The following PABPC4L variants were observed in gnomAD, a reference collection of about 807,000 sequenced individuals.
PABPC4L encodes poly(A) binding protein cytoplasmic 4 like.
For missense variants in PABPC4L, 452 were observed against 451.4 expected (o/e 1.00, Z -0.01); for synonymous variants, 169 against 164.1 (o/e 1.03, Z -0.23).
At chr4:134,016,557 G>A in the PABPC4L span, among the ~76,000 whole-genome samples, 1 of 151,942 alleles carries the variant, frequency 6.6e-6, no homozygotes. Flanking sequence ...CTTCACATCG[G>A]TCACTCCCAC....
At chr4:134,115,336 A>G in the PABPC4L span, among the ~76,000 whole-genome samples, 1 of 151,930 alleles carries the variant, frequency 6.6e-6, no homozygotes, top group East Asian at 1.9e-4. Flanking sequence ...TAGTCAATTA[A>G]ATAAGTGATG....
the PABPC4L span, among the ~76,000 whole-genome samples, chr4:134,015,815 C>T: frequency 4.6e-5 from 7 of 152,112 alleles, no homozygotes; most frequent in South Asian, 2.1e-4. Context: ...CTGCGTGTGG[C>T]GGCTGCCACT....
the PABPC4L span, among the ~76,000 whole-genome samples, chr4:134,133,323 AT>A: frequency 7.1e-6 from 1 of 141,768 alleles, no homozygotes; most frequent in Non-Finnish European, 1.5e-5. Flanking sequence ...ATAATTATAT[AT>A]TTAATTTTAT....
the PABPC4L span, among the ~76,000 whole-genome samples, chr4:134,162,398 C>T: frequency 6.6e-6 from 1 of 151,966 alleles, no homozygotes; most frequent in Non-Finnish European, 1.5e-5. Flanking sequence ...AAGAGATAGA[C>T]ACCAACACAA....
chr4:134,129,652 A>T, the PABPC4L span, among the ~76,000 whole-genome samples: 2 of 152,098 alleles, frequency 1.3e-5, no homozygotes, highest in African/African-American at 4.8e-5. Context: ...TTAAATTTTT[A>T]AATTTAAACT....
chr4:134,129,451 A>G, the PABPC4L span, among the ~76,000 whole-genome samples: 2 of 152,102 alleles, frequency 1.3e-5, no homozygotes, highest in African/African-American at 4.8e-5. Context: ...CAAATTTATG[A>G]AAGTCAAAAT....
the PABPC4L span, among the ~76,000 whole-genome samples, chr4:134,151,734 T>C: frequency 6.6e-6 from 1 of 151,964 alleles, no homozygotes; most frequent in Non-Finnish European, 1.5e-5. Context: ...TAAAATTTTA[T>C]CATGTATTTC....
the PABPC4L span, among the ~76,000 whole-genome samples, chr4:134,017,452 T>C: frequency 6.6e-6 from 1 of 152,122 alleles, no homozygotes; most frequent in Non-Finnish European, 1.5e-5. Flanking sequence ...TTCACCATTC[T>C]CAACTACTCA....
At chr4:134,134,543 C>T in the PABPC4L span, among the ~76,000 whole-genome samples, 9 of 151,558 alleles carry the variant, frequency 5.9e-5, no homozygotes, top group Admixed American at 1.3e-4. Flanking sequence ...CAATTTGTGG[C>T]ATATCATGTT....
At chr4:134,054,246 G>GTATATGTATATATATATATATATATA in the PABPC4L span, among the ~76,000 whole-genome samples, 1 of 74,064 alleles carries the variant, frequency 1.4e-5, no homozygotes, top group Non-Finnish European at 2.5e-5. Context: ...TACTTTAGTT[G>GTATATGTATATATATATATATATATA]TATATGTATA....
At chr4:133,954,205 G>C in the PABPC4L span, among the ~76,000 whole-genome samples, 1 of 152,150 alleles carries the variant, frequency 6.6e-6, no homozygotes, top group Non-Finnish European at 1.5e-5. Flanking sequence ...TGATCTTCCT[G>C]TTCTTTATTT....
chr4:134,199,661 A>C lies in PABPC4L; in HGVS notation c.*246T>G. 2 of 473,184 alleles carry C rather than the reference A, an allele frequency of 4.2e-6. No homozygotes were observed. Among genetic ancestry groups the C allele is most frequent in the Non-Finnish European group, 7.4e-6 (2 of 269,572 alleles). 29.3% of individuals were successfully genotyped at this position (473,184 alleles called of 1,614,324 possible). On this transcript the variant is annotated 3_prime_UTR_variant, in exon 2 of 2. Transcript: ENST00000421491. Reference sequence around the variant, plus strand: ...TATTTATACTTATTGCTATGAACATATCAAAATAAGAAAAATGTGCAATAT... The same window carrying C: ...TATTTATACTTATTGCTATGAACATCTCAAAATAAGAAAAATGTGCAATAT...
At chr4:134,174,397 A>C in the PABPC4L span, among the ~76,000 whole-genome samples, 2 of 152,148 alleles carry the variant, frequency 1.3e-5, no homozygotes, top group Non-Finnish European at 2.9e-5. Context: ...ACTGTACATA[A>C]TTGTATGTGC....
the PABPC4L span, among the ~76,000 whole-genome samples, chr4:133,952,322 C>T: frequency 1.3e-4 from 20 of 152,136 alleles, no homozygotes; most frequent in South Asian, 4.2e-4. Context: ...GTCTAGGGGA[C>T]GCCCAGAATG....
At chr4:134,092,990 A>AT in the PABPC4L span, among the ~76,000 whole-genome samples, 2 of 151,940 alleles carry the variant, frequency 1.3e-5, no homozygotes, top group East Asian at 3.9e-4. Context: ...CGAATTACTC[A>AT]TTTTTATAGG....
At chr4:134,135,277 C>T in the PABPC4L span, among the ~76,000 whole-genome samples, 1 of 152,008 alleles carries the variant, frequency 6.6e-6, no homozygotes, top group African/African-American at 2.4e-5. Context: ...TCTGATTTTG[C>T]TCTACCATCT....
At chr4:133,987,757 C>T in the PABPC4L span, among the ~76,000 whole-genome samples, 2 of 152,010 alleles carry the variant, frequency 1.3e-5, no homozygotes, top group Non-Finnish European at 2.9e-5. Context: ...CATAATATTG[C>T]TAATAAGAAA....
the PABPC4L span, among the ~76,000 whole-genome samples, chr4:134,014,411 G>A: frequency 6.6e-6 from 1 of 152,154 alleles, no homozygotes; most frequent in Non-Finnish European, 1.5e-5. Context: ...GTGGCCAGGT[G>A]TTCCTCCAGA....
the PABPC4L span, among the ~76,000 whole-genome samples, chr4:134,168,778 T>C: frequency 6.6e-6 from 1 of 151,828 alleles, no homozygotes; most frequent in Non-Finnish European, 1.5e-5. Context: ...TAATAAAAAA[T>C]ATTCTATCAA....
Sources: gnomAD v4.1 joint callset for allele counts (sites outside exome capture counted in the v4.1 genomes callset) on GRCh38, gnomAD v4.1.1 for gene constraint, MANE v1.5 for transcripts, NCBI Gene and HGNC (gene_info 2026-07-23, HGNC 2026-07-21) for gene names.